Variants in WDR70 observed in about 807,000 individuals in gnomAD.
WDR70 encodes the protein WD repeat domain 70.
A neutral mutation model predicts 88.6 loss-of-function variants in WDR70; 53 were observed. The ratio of observed to expected loss-of-function variants is 0.60; its 90% CI spans 0.48 to 0.75. The LOEUF is 0.75. WDR70 is among the 30% of genes least tolerant of loss of function. WDR70 has a pLI of 0.00. For synonymous variants in WDR70, 280 were observed against 270.0 expected (o/e 1.04, Z -0.36); for missense variants, 610 against 823.2 (o/e 0.74, Z 3.17).
chr5:37,739,943 C>T (rs919324728), intron 17 of WDR70, among the ~76,000 whole-genome samples: 13 of 152,192 alleles, frequency 8.5e-5, no homozygotes, highest in East Asian at 1.9e-4. Flanking sequence ...TGGCCAGTGA[C>T]GATGTAAAAT....
chr5:37,699,669 C>T (rs1199777099), intron 11 of WDR70, among the ~76,000 whole-genome samples: 2 of 151,852 alleles, frequency 1.3e-5, no homozygotes, highest in Non-Finnish European at 2.9e-5. Flanking sequence ...AAAAGCAGGC[C>T]AGGTGCAGTG....
At chr5:37,685,478 A>G (rs909819809) in intron 10 of WDR70, among the ~76,000 whole-genome samples, 1 of 152,048 alleles carries the variant, frequency 6.6e-6, no homozygotes, top group Non-Finnish European at 1.5e-5. Flanking sequence ...GCTGCACTGC[A>G]AGCAGACCTA....
At chr5:37,588,487 C>T (rs1169058649) in intron 9 of WDR70, among the ~76,000 whole-genome samples, 1 of 152,096 alleles carries the variant, frequency 6.6e-6, no homozygotes, top group Non-Finnish European at 1.5e-5. Context: ...GAGTTCCCTT[C>T]CCTGCCCTCC....
intron 8 of WDR70, among the ~76,000 whole-genome samples, chr5:37,509,122 T>A (rs1343653288): frequency 6.6e-6 from 1 of 152,112 alleles, no homozygotes; most frequent in East Asian, 1.9e-4. Flanking sequence ...TTTCTCTCCT[T>A]TTCTTGTTCT....
chr5:37,509,393 A>C (rs1303890013), intron 8 of WDR70, among the ~76,000 whole-genome samples: 1 of 151,666 alleles, frequency 6.6e-6, no homozygotes, highest in Non-Finnish European at 1.5e-5. Flanking sequence ...CTTTTTTCTT[A>C]CTGGCTTCTA....
chr5:37,607,884 C>T (rs1293860835), intron 10 of WDR70, among the ~76,000 whole-genome samples: 1 of 152,208 alleles, frequency 6.6e-6, no homozygotes, highest in East Asian at 1.9e-4. Flanking sequence ...TTCTCTACTT[C>T]CCATTCACCA....
chr5:37,559,801 C>T (rs1208084209), intron 9 of WDR70, among the ~76,000 whole-genome samples: 6 of 150,652 alleles, frequency 4.0e-5, no homozygotes, highest in East Asian at 3.9e-4. Context: ...GCTGAGATCA[C>T]GCCGTTGCAC....
chr5:37,714,069 AAG>A (rs1218515677), intron 13 of WDR70, among the ~76,000 whole-genome samples: 1 of 152,212 alleles, frequency 6.6e-6, no homozygotes, highest in African/African-American at 2.4e-5. Flanking sequence ...GACTGAATAA[AAG>A]AGTATGATAT....
At chr5:37,414,278 C>A (rs974909143) in intron 5 of WDR70, among the ~76,000 whole-genome samples, 3 of 152,118 alleles carry the variant, frequency 2.0e-5, no homozygotes, top group African/African-American at 7.2e-5. Flanking sequence ...CCCCTTCTAC[C>A]CCCTGGCTTG....
intron 10 of WDR70, among the ~76,000 whole-genome samples, chr5:37,685,025 C>T (rs1410897279): frequency 6.6e-6 from 1 of 152,098 alleles, no homozygotes; most frequent in Non-Finnish European, 1.5e-5. Flanking sequence ...GCCCTCTGTG[C>T]ATGTTCATGC....
intron 9 of WDR70, among the ~76,000 whole-genome samples, chr5:37,557,916 C>T: frequency 1.5e-5 from 2 of 135,728 alleles, no homozygotes; most frequent in Admixed American, 7.5e-5. Flanking sequence ...CTTTTGAAAA[C>T]TCTTCAAAAG....
intron 17 of WDR70, among the ~76,000 whole-genome samples, chr5:37,742,934 A>G (rs993202173): frequency 1.3e-5 from 2 of 152,246 alleles, no homozygotes; most frequent in East Asian, 1.9e-4. Flanking sequence ...GGTTTTTCCA[A>G]TTTGGGGAAA....
At chr5:37,543,832 G>T (rs1741906270) in intron 9 of WDR70, among the ~76,000 whole-genome samples, 1 of 152,144 alleles carries the variant, frequency 6.6e-6, no homozygotes, top group African/African-American at 2.4e-5. Context: ...GCAGTGGCAT[G>T]ATCTCAGCTC....
At chr5:37,591,769 A>G (rs757465873) in intron 9 of WDR70, among the ~76,000 whole-genome samples, 3 of 152,236 alleles carry the variant, frequency 2.0e-5, no homozygotes, top group Non-Finnish European at 4.4e-5. Context: ...AACTGAAACA[A>G]AAATCCTTAA....
chr5:37,494,102 A>G (rs1286245546), intron 8 of WDR70, among the ~76,000 whole-genome samples: 1 of 152,182 alleles, frequency 6.6e-6, no homozygotes, highest in Non-Finnish European at 1.5e-5. Flanking sequence ...TACAGGTGTG[A>G]GCCACCACGT....
At chr5:37,719,844 CTTTT>C (rs55870531) in intron 13 of WDR70, among the ~76,000 whole-genome samples, 1 of 141,108 alleles carries the variant, frequency 7.1e-6, no homozygotes, top group African/African-American at 2.6e-5. Flanking sequence ...TTCTTTCTTT[CTTTT>C]TTTTTTTTTT....
intron 10 of WDR70, among the ~76,000 whole-genome samples, chr5:37,654,491 A>G (rs1745495974): frequency 6.6e-6 from 1 of 152,072 alleles, no homozygotes; most frequent in African/African-American, 2.4e-5. Context: ...GAAGTCCTGG[A>G]TATCCTTGTT....
chr5:37,612,476 A>T (rs10062316), intron 10 of WDR70, among the ~76,000 whole-genome samples: 1 of 151,880 alleles, frequency 6.6e-6, no homozygotes, highest in Non-Finnish European at 1.5e-5. Flanking sequence ...CCCATGTCAT[A>T]TTGTTATGAG....
chr5:37,710,796 T>TTTTTTTTTTTTTTTTA, intron 13 of WDR70, among the ~76,000 whole-genome samples: 1 of 152,138 alleles, frequency 6.6e-6, no homozygotes, highest in African/African-American at 2.4e-5. Context: ...ATAGATTTTT[T>TTTTTTTTTTTTTTTTA]GTTTTTATTT....
Sources: allele counts gnomAD v4.1 joint callset (sites outside exome capture counted in the v4.1 genomes callset), GRCh38; gene constraint gnomAD v4.1.1; transcripts MANE v1.5; gene names NCBI Gene and HGNC (gene_info 2026-07-23, HGNC 2026-07-21).